ST6GALNAC3: variants seen among roughly 807,000 people sequenced by gnomAD.
ST6GALNAC3 encodes the protein alpha-N-acetylgalactosaminide alpha-2,6-sialyltransferase 3.
Under a neutral mutation model 32.7 loss-of-function variants are expected in ST6GALNAC3, and 25 were observed. The observed-to-expected ratio is 0.76, with a 90% CI of 0.56 to 1.07. ST6GALNAC3 has a LOEUF of 1.07. Among genes scored for constraint, ST6GALNAC3 ranks in the 50% least tolerant of loss-of-function variants. ST6GALNAC3 has a pLI of 0.00. For synonymous variants in ST6GALNAC3, 129 were observed against 133.1 expected (o/e 0.97, Z 0.21); for missense variants, 355 against 382.4 (o/e 0.93, Z 0.60).
chr1:76,156,245 G>C (rs973436105), intron 1 of ST6GALNAC3, among the ~76,000 whole-genome samples: 2 of 152,110 alleles, frequency 1.3e-5, no homozygotes, highest in African/African-American at 2.4e-5. Flanking sequence ...TCATCACCTC[G>C]CTGAGACGGT....
intron 3 of ST6GALNAC3, among the ~76,000 whole-genome samples, chr1:76,429,914 T>G (rs1038602933): frequency 3.9e-5 from 6 of 152,300 alleles, no homozygotes; most frequent in African/African-American, 1.4e-4. Context: ...TCAGTACAAA[T>G]GAAACATTCT....
At chr1:76,165,204 G>A (rs981799496) in intron 1 of ST6GALNAC3, among the ~76,000 whole-genome samples, 2 of 152,018 alleles carry the variant, frequency 1.3e-5, no homozygotes, top group African/African-American at 4.8e-5. Context: ...AGTGTATGTT[G>A]TTCCCTTCTG....
chr1:76,373,473 T>C (rs1650990352), intron 2 of ST6GALNAC3, among the ~76,000 whole-genome samples: 2 of 152,306 alleles, frequency 1.3e-5, no homozygotes, highest in Middle Eastern at 3.4e-3. Context: ...GTGCTAAAAA[T>C]AGAAGATTCC....
At chr1:76,511,347 TC>T (rs1206734303) in intron 3 of ST6GALNAC3, among the ~76,000 whole-genome samples, 19 of 152,212 alleles carry the variant, frequency 1.2e-4, no homozygotes, top group African/African-American at 3.6e-4. Context: ...TCAGTTACAA[TC>T]CAGAAAGAGT....
At chr1:76,182,293 C>G (rs1653232996) in intron 1 of ST6GALNAC3, among the ~76,000 whole-genome samples, 1 of 152,184 alleles carries the variant, frequency 6.6e-6, no homozygotes, top group South Asian at 2.1e-4. Flanking sequence ...CACTGGGCAG[C>G]CACTCTTAAG....
intron 3 of ST6GALNAC3, among the ~76,000 whole-genome samples, chr1:76,545,465 A>C (rs1392301511): frequency 6.6e-6 from 1 of 152,112 alleles, no homozygotes; most frequent in Non-Finnish European, 1.5e-5. Flanking sequence ...TACAGTGTCC[A>C]AGACAGTCCT....
At chr1:76,384,936 T>C (rs1266990766) in intron 2 of ST6GALNAC3, among the ~76,000 whole-genome samples, 1 of 152,148 alleles carries the variant, frequency 6.6e-6, no homozygotes, top group East Asian at 1.9e-4. Flanking sequence ...GTGAATGAGC[T>C]AGTGGTATGC....
Position 76,210,174 on chromosome 1 carries a change from A to G in ST6GALNAC3, c.19-103631A>G, listed in dbSNP as rs61773769. Among the ~76,000 whole-genome samples the G allele has an allele frequency of 7.7e-3, 1,167 of 152,152 alleles. 10 individuals are homozygous for G. Among genetic ancestry groups the G allele is most frequent in the Middle Eastern group, 0.017 (5 of 294 alleles). On this transcript the variant is annotated intron_variant, in intron 1 of 4. Transcript: ENST00000328299. ...GATTTGCTGCACCTATCAACCCATCACCTAGGTTTTAAGCCCCACATGCAT... is the reference window on the plus strand; with the variant it reads ...GATTTGCTGCACCTATCAACCCATCGCCTAGGTTTTAAGCCCCACATGCAT...
At chr1:76,375,915 A>G (rs1279266766) in intron 2 of ST6GALNAC3, among the ~76,000 whole-genome samples, 1 of 152,176 alleles carries the variant, frequency 6.6e-6, no homozygotes, top group Admixed American at 6.5e-5. Flanking sequence ...TGTGTGAAAA[A>G]TATAGATCCA....
intron 1 of ST6GALNAC3, among the ~76,000 whole-genome samples, chr1:76,126,278 C>T (rs1468705887): frequency 2.0e-5 from 3 of 152,150 alleles, no homozygotes; most frequent in Non-Finnish European, 1.5e-5. Flanking sequence ...TTATTTCCCT[C>T]TTTCTCTCAT....
At chr1:76,105,509 A>AGATGTGCTATG (rs1647463230) in intron 1 of ST6GALNAC3, among the ~76,000 whole-genome samples, 1 of 106,556 alleles carries the variant, frequency 9.4e-6, no homozygotes, top group Non-Finnish European at 1.9e-5. Context: ...TCCTGAGATT[A>AGATGTGCTATG]GGTCACAGAG....
chr1:76,377,093 C>T (rs1336734984), intron 2 of ST6GALNAC3, among the ~76,000 whole-genome samples: 2 of 152,096 alleles, frequency 1.3e-5, no homozygotes. Context: ...AAATAAAACT[C>T]ACCTCTGTAC....
intron 3 of ST6GALNAC3, among the ~76,000 whole-genome samples, chr1:76,497,313 G>A (rs976430876): frequency 2.0e-5 from 3 of 152,202 alleles, no homozygotes; most frequent in African/African-American, 7.2e-5. Flanking sequence ...TCTTAGTCTT[G>A]GGGAGCCTTC....
intron 1 of ST6GALNAC3, among the ~76,000 whole-genome samples, chr1:76,242,968 C>G (rs1011743160): frequency 6.6e-6 from 1 of 151,976 alleles, no homozygotes; most frequent in Admixed American, 6.6e-5. Flanking sequence ...TGGTATATAC[C>G]CAGTAATGGG....
chr1:76,283,066 T>C (rs1374507925), intron 1 of ST6GALNAC3, among the ~76,000 whole-genome samples: 1 of 151,422 alleles, frequency 6.6e-6, no homozygotes, highest in Non-Finnish European at 1.5e-5. Flanking sequence ...AAAGTGGTAC[T>C]TTCCTCCATG....
intron 1 of ST6GALNAC3, among the ~76,000 whole-genome samples, chr1:76,076,716 A>G (rs1228129177): frequency 6.6e-6 from 1 of 152,224 alleles, no homozygotes; most frequent in Non-Finnish European, 1.5e-5. Context: ...TCTTATAACT[A>G]TTATTTTTTA....
chr1:76,477,020 C>A (rs1207133366), intron 3 of ST6GALNAC3, among the ~76,000 whole-genome samples: 1 of 152,142 alleles, frequency 6.6e-6, no homozygotes, highest in Non-Finnish European at 1.5e-5. Context: ...TTAGTCTTGT[C>A]TCTCTGACTC....
chr1:76,427,183 T>C (rs867769745), intron 3 of ST6GALNAC3, among the ~76,000 whole-genome samples: 1 of 151,954 alleles, frequency 6.6e-6, no homozygotes. Context: ...CCAGGGCAAA[T>C]CTAGTGACTT....
intron 1 of ST6GALNAC3, among the ~76,000 whole-genome samples, chr1:76,163,937 G>T (rs895072839): frequency 2.0e-5 from 3 of 152,112 alleles, no homozygotes; most frequent in Non-Finnish European, 2.9e-5. Context: ...CCTACCTTTA[G>T]CCTCAATTCC....
Sources: gnomAD v4.1 joint callset for allele counts (sites outside exome capture counted in the v4.1 genomes callset) on GRCh38, gnomAD v4.1.1 for gene constraint, MANE v1.5 for transcripts, NCBI Gene and HGNC (gene_info 2026-07-23, HGNC 2026-07-21) for gene names.